Variants in RASIP1 observed in about 807,000 individuals in gnomAD.
RASIP1 encodes the protein Ras interacting protein 1.
In RASIP1, 20 loss-of-function variants were observed where a neutral mutation model predicts 85.3. That is an observed-to-expected ratio of 0.23 (90% CI 0.17 to 0.34). The LOEUF is 0.34. Ranked by LOEUF, RASIP1 falls within the 10% of genes least tolerant of loss-of-function variation. The pLI is 1.00. For synonymous variants in RASIP1, 617 were observed against 647.1 expected (o/e 0.95, Z 0.71); for missense variants, 1,170 against 1,390.9 (o/e 0.84, Z 2.53).
Position 48,729,114 on chromosome 19 carries a change from C to T in RASIP1, c.1656G>A (p.Glu552=). ...GCACGATCTCGCCCAGCAGCGCCTC[C>T]TCCTCGCGCGGCCGGAAGCGCAGGA... ...EPVLRFRPRE[E]EALLGEIVRA... Residue 552 remains glutamate (E), a synonymous_variant, in exon 5 of 12, where the codon GAG becomes GAA. Coordinates refer to ENST00000222145, the MANE Select transcript of RASIP1 (RefSeq NM_017805.3). 2 of 1,368,070 alleles carry T rather than the reference C, an allele frequency of 1.5e-6. No homozygotes were observed. The highest frequency in any genetic ancestry group is 1.9e-6 in the Non-Finnish European group (2 of 1,065,804). The allele number at this position is 1,368,070 out of a possible 1,614,324, so 84.7% of individuals were successfully genotyped here.
At chr19:48,737,196 T>C (rs1375394340) in intron 3 of RASIP1, among the ~76,000 whole-genome samples, 1 of 152,236 alleles carries the variant, frequency 6.6e-6, no homozygotes. Context: ...CTAGGCCCTT[T>C]ATATACATTG....
Position 48,727,148 on chromosome 19 carries a change from C to A in RASIP1, c.1882G>T (p.Gly628Trp). Residue 628 changes from glycine to tryptophan, a missense_variant, in exon 7 of 12, where the codon GGG becomes TGG. Gly to Trp is a radical substitution (Grantham distance 184). Coordinates refer to ENST00000222145, the MANE Select transcript of RASIP1 (RefSeq NM_017805.3). ...GGAGTCAGGGGCACCTCGGGGACCC[C>A]CTCAGGGTGGCTTGAAAAAGAGGAA... ...GDRQPENHPEGVPEVPLTPEA... is the reference protein window; with the variant it reads ...GDRQPENHPEWVPEVPLTPEA... 6.2e-7 allele frequency: 1 copy of A among 1,613,864 alleles called. No individual in the cohort carries two copies.
At chr19:48,726,414 T>TG (rs2033344340) in intron 8 of RASIP1, among the ~76,000 whole-genome samples, 1 of 152,070 alleles carries the variant, frequency 6.6e-6, no homozygotes, top group Admixed American at 6.5e-5. Flanking sequence ...TTAGTAGAGA[T>TG]GGGGTTTCAC....
At position 48,731,746 on chromosome 19, in the gene RASIP1, C is replaced by G. The variant is rs550448316; in HGVS notation, c.1180-2156G>C. On this transcript the variant is annotated intron_variant, in intron 4 of 11. Coordinates refer to ENST00000222145, the MANE Select transcript of RASIP1 (RefSeq NM_017805.3). Reference sequence around the variant, plus strand: ...ATGAATGGGTGTTTCCAAAAAGACTCCTACCTCCAAAAGATTTGCTCATCT... The same window carrying G: ...ATGAATGGGTGTTTCCAAAAAGACTGCTACCTCCAAAAGATTTGCTCATCT... 2.1e-3 allele frequency among the ~76,000 whole-genome samples: 321 copies of G among 152,284 alleles called. 1 individual carries two copies. The highest frequency in any genetic ancestry group is 7.3e-3 in the African/African-American group (304 of 41,568).
intron 4 of RASIP1, 52 bp downstream of exon 4, chr19:48,735,144 C>A: frequency 6.7e-7 from 1 of 1,489,230 alleles, no homozygotes; most frequent in Non-Finnish European, 9.1e-7. Context: ...TGCTCACCCA[C>A]CAACAGATGG....
chr19:48,725,482 C>T (rs2033327007), intron 8 of RASIP1: 1 of 154,938 alleles, frequency 6.5e-6, no homozygotes, highest in Non-Finnish European at 1.4e-5. Flanking sequence ...AGTTAGCTGT[C>T]CCAAAAGATC....
chr19:48,735,426 G>T lies in RASIP1; in HGVS notation c.949C>A (p.Arg317Ser), dbSNP rs767527552. The T allele has an allele frequency of 1.9e-6, 3 of 1,609,426 alleles. No homozygotes were observed. In the African/African-American group the frequency reaches 4.0e-5, roughly 21 times the overall value. ...GAPAGSGGKE[R>S]SENLSLRRSV... ...CGCCGCAAAGACAAGTTTTCTGAGC[G>T]CTCCTTGCCTCCAGACCCAGCTGGG... Residue 317 changes from arginine (R) to serine (S), a missense_variant, in exon 4 of 12, where the codon CGC becomes AGC. Physicochemically the swap from Arg to Ser is moderately radical, Grantham distance 110. Coordinates refer to ENST00000222145, the MANE Select transcript of RASIP1 (RefSeq NM_017805.3).
intron 6 of RASIP1, 85 bp from the exon 7 acceptor site, chr19:48,727,243 G>A (rs759521315): frequency 4.1e-5 from 64 of 1,569,984 alleles, no homozygotes; most frequent in Non-Finnish European, 5.4e-5. Flanking sequence ...AAGTGGGAGA[G>A]CAAGACCAAC....
At chr19:48,726,929 G>C in intron 7 of RASIP1, 41 bp from the exon 8 acceptor site, 1 of 1,609,278 alleles carries the variant, frequency 6.2e-7, no homozygotes, top group Non-Finnish European at 8.5e-7. Context: ...ACCAGAAGTC[G>C]GCAGCCAGGA....
At chr19:48,729,724 T>C in intron 4 of RASIP1, 134 bp from the exon 5 acceptor site, 1 of 1,113,670 alleles carries the variant, frequency 9.0e-7, no homozygotes, top group Non-Finnish European at 1.3e-6. Flanking sequence ...TTTTTTTTTT[T>C]TTTTTTTTGA....
chr19:48,724,226 G>A lies in RASIP1; in HGVS notation c.2544+111C>T. 1 of 1,158,106 alleles carries A rather than the reference G, an allele frequency of 8.6e-7. No individual in the cohort carries two copies. Among genetic ancestry groups the A allele is most frequent in the Non-Finnish European group, 1.2e-6 (1 of 823,456 alleles). 71.7% of individuals were successfully genotyped at this position (1,158,106 alleles called of 1,614,324 possible). A position where few individuals can be genotyped will look rare whatever the true frequency, so the allele number is the denominator to read the frequency against. ...CCCACAGTGTCTGAGCTGGGGCTGG[G>A]GATGGCATGGGGTTCAAGGGGAGCT... On this transcript the variant is annotated intron_variant, in intron 10 of 11. Transcript: ENST00000222145. The surrounding 1 kb of genome is among the most constrained non-coding windows in gnomAD (Gnocchi z 4.6).
intron 5 of RASIP1, among the ~76,000 whole-genome samples, chr19:48,728,637 G>T (rs554380879): frequency 6.6e-6 from 1 of 152,064 alleles, no homozygotes; most frequent in Non-Finnish European, 1.5e-5. Context: ...GCTGGCAGGC[G>T]CCTGCAATCC....
chr19:48,735,080 A>G, intron 4 of RASIP1, 116 bp downstream of exon 4: 3 of 939,660 alleles, frequency 3.2e-6, no homozygotes, highest in Non-Finnish European at 4.7e-6. Flanking sequence ...ACCACGCCCC[A>G]CTAGAGTACT....
intron 5 of RASIP1, among the ~76,000 whole-genome samples, chr19:48,727,916 G>C (rs559025283): frequency 9.3e-4 from 141 of 151,996 alleles, no homozygotes; most frequent in Non-Finnish European, 1.6e-3. Flanking sequence ...TCGATCTCCC[G>C]ACTTCAGGTG....
At chr19:48,728,900 C>CTGGAGAAG in intron 5 of RASIP1, 37 bp downstream of exon 5, 1 of 1,416,976 alleles carries the variant, frequency 7.1e-7, no homozygotes, top group Non-Finnish European at 9.1e-7. Flanking sequence ...GGACTTGGGG[C>CTGGAGAAG]GCTGGTGGGG....
At chr19:48,737,418 C>T (rs1015052293) in intron 3 of RASIP1, 6 of 974,714 alleles carry the variant, frequency 6.2e-6, no homozygotes, top group Non-Finnish European at 6.1e-6. Flanking sequence ...CTGCCAGGCG[C>T]GGTCCACCAC....
rs183658065 is a variant in RASIP1 at position 48,722,744 on chromosome 19, C to T, written c.2545-743G>A. 1.4e-4 allele frequency among the ~76,000 whole-genome samples: 21 copies of T among 152,226 alleles called. No homozygotes were observed. In the East Asian group the frequency reaches 3.9e-3, roughly 28 times the overall value. ...CCCAGGTGGGTCACTTATTACCTTCCGGCAGGTCACCGTCCCCTAGTCTCC... is the reference window on the plus strand; with the variant it reads ...CCCAGGTGGGTCACTTATTACCTTCTGGCAGGTCACCGTCCCCTAGTCTCC... On this transcript the variant is annotated intron_variant, in intron 10 of 11. Coordinates refer to ENST00000222145, the MANE Select transcript of RASIP1 (RefSeq NM_017805.3).
intron 8 of RASIP1, 25 bp downstream of exon 8, chr19:48,726,760 C>G (rs765832538): frequency 6.5e-7 from 1 of 1,534,754 alleles, no homozygotes; most frequent in East Asian, 2.3e-5. Flanking sequence ...CTATGTCAAA[C>G]AGGAAGTAAG....
At chr19:48,721,058 G>T in intron 11 of RASIP1, 61 bp from the exon 12 acceptor site, 1 of 1,383,144 alleles carries the variant, frequency 7.2e-7, no homozygotes, top group Non-Finnish European at 9.7e-7. Context: ...GTTGCATCGG[G>T]AAGAGCCGAG....
Sources: allele counts gnomAD v4.1 joint callset (sites outside exome capture counted in the v4.1 genomes callset), GRCh38; gene constraint gnomAD v4.1.1; non-coding constraint Gnocchi (gnomAD v3.1); transcripts MANE v1.5; gene names NCBI Gene and HGNC (gene_info 2026-07-23, HGNC 2026-07-21).